Variants in ATRX observed in about 807,000 individuals in gnomAD.
ATRX encodes chromatin remodeler ATRX.
ATRX carries 12 observed loss-of-function variants against 172.6 expected under a neutral mutation model. That is an observed-to-expected ratio of 0.07 (90% confidence interval 0.04 to 0.11). ATRX has a LOEUF of 0.11. Ranked by LOEUF, ATRX falls within the 10% of genes least tolerant of loss-of-function variation. The pLI is 1.00. For synonymous variants in ATRX, 674 were observed against 594.7 expected (o/e 1.13, Z -1.94); for missense variants, 1,368 against 1,767.4 (o/e 0.77, Z 4.05).
At chrX:77,640,803 A>G (rs184191260) in intron 15 of ATRX, among the ~76,000 whole-genome samples, 19 of 111,593 alleles carry the variant, frequency 1.7e-4, no homozygotes, top group African/African-American at 5.9e-4. Flanking sequence ...AACTACAAAG[A>G]AAAAAGAGCT....
intron 21 of ATRX, among the ~76,000 whole-genome samples, chrX:77,617,385 C>A (rs2067397022): frequency 9.0e-6 from 1 of 111,026 alleles, no homozygotes; most frequent in South Asian, 3.8e-4. Context: ...ATGTAGCCAA[C>A]CTGACCAAAC....
intron 1 of ATRX, among the ~76,000 whole-genome samples, chrX:77,774,521 C>G (rs1311800915): frequency 9.0e-6 from 1 of 110,518 alleles, no homozygotes; most frequent in African/African-American, 3.3e-5. Flanking sequence ...ACTAAAAATA[C>G]AAAAAATTAG....
chrX:77,734,714 GA>G (rs1557177943), intron 1 of ATRX, among the ~76,000 whole-genome samples: 1 of 110,902 alleles, frequency 9.0e-6, no homozygotes, highest in African/African-American at 3.3e-5. Context: ...TTGAACGCAG[GA>G]GGCAGAGGCT....
At position 77,684,146 on chromosome X, in the gene ATRX, A is replaced by G. The variant is rs371831155; in HGVS notation, c.1110T>C (p.Tyr370=). 2.5e-6 allele frequency: 3 copies of G among 1,205,791 alleles called. No homozygotes were observed. The highest frequency in any genetic ancestry group is 3.5e-5 in the African/African-American group (2 of 57,128). ...IETTANMNSS[Y]VKFLKQATDN... ...CTGTTGCCTGCTTTAAAAATTTAAC[A>G]TAACTGGAGTTCATGTTGGCTGTGG... The change falls in exon 9 of 35, where the codon TAT becomes TAC. Residue 370 remains tyrosine, a synonymous_variant. Transcript: ENST00000373344.
intron 30 of ATRX, among the ~76,000 whole-genome samples, chrX:77,543,946 T>G (rs2064124022): frequency 1.5e-5 from 1 of 68,860 alleles, no homozygotes; most frequent in African/African-American, 5.2e-5. Flanking sequence ...ACCCCAGAAC[T>G]TAGAATATTA....
Position 77,557,565 on chromosome X carries a change from C to G in ATRX, c.6585G>C (p.Val2195=). 1 of 1,208,355 alleles carries G rather than the reference C, an allele frequency of 8.3e-7. No homozygotes were observed. Among genetic ancestry groups the G allele is most frequent in the Non-Finnish European group, 1.1e-6 (1 of 893,938 alleles). ...GCTCATTCATAGTAAAATGACGCTCCACCTGCTGCTGATCAACAACTCGAA... is the reference window on the plus strand; with the variant it reads ...GCTCATTCATAGTAAAATGACGCTCGACCTGCTGCTGATCAACAACTCGAA... ...LSFRVVDQQQ[V]ERHFTMNELT... The change falls in exon 30 of 35, where the codon GTG becomes GTC. Residue 2195 remains valine (V), a synonymous_variant. Transcript: ENST00000373344.
intron 27 of ATRX, among the ~76,000 whole-genome samples, chrX:77,586,098 CA>C (rs1412749488): frequency 9.0e-6 from 1 of 110,948 alleles, no homozygotes; most frequent in Non-Finnish European, 1.9e-5. Flanking sequence ...TGACTACCGT[CA>C]AAAATAATTA....
chrX:77,659,037 A>G (rs917824408), intron 12 of ATRX, among the ~76,000 whole-genome samples: 1 of 111,877 alleles, frequency 8.9e-6, no homozygotes, highest in African/African-American at 3.3e-5. Flanking sequence ...CATAAATGCT[A>G]TAAAGAAATG....
At chrX:77,720,413 C>A (rs1214622932) in intron 1 of ATRX, among the ~76,000 whole-genome samples, 1 of 110,444 alleles carries the variant, frequency 9.1e-6, no homozygotes, top group African/African-American at 3.3e-5. Context: ...AGAAGATCAA[C>A]AAAACAGACC....
chrX:77,782,612 G>T (rs1471108461), intron 1 of ATRX, among the ~76,000 whole-genome samples: 1 of 111,451 alleles, frequency 9.0e-6, no homozygotes, highest in Non-Finnish European at 1.9e-5. Flanking sequence ...AATTGGCCAG[G>T]TGTGGTGGCA....
intron 1 of ATRX, among the ~76,000 whole-genome samples, chrX:77,724,995 C>T (rs1184081031): frequency 8.9e-6 from 1 of 111,977 alleles, no homozygotes; most frequent in Non-Finnish European, 1.9e-5. Flanking sequence ...AAAGAGCACA[C>T]ATTTACTTAT....
chrX:77,549,643 T>C (rs1301792939), intron 30 of ATRX, among the ~76,000 whole-genome samples: 1 of 112,548 alleles, frequency 8.9e-6, no homozygotes, highest in Non-Finnish European at 1.9e-5. Context: ...TAGATCATGC[T>C]ACAGTTTCAA....
At chrX:77,695,159 A>C (rs1471092846) in intron 5 of ATRX, among the ~76,000 whole-genome samples, 2 of 110,014 alleles carry the variant, frequency 1.8e-5, no homozygotes, top group Admixed American at 9.7e-5. Flanking sequence ...CTTTGGATTC[A>C]AGCAGACCTG....
At position 77,683,872 on chromosome X, in the gene ATRX, C is replaced by G. The variant is rs201503118; in HGVS notation, c.1384G>C (p.Ala462Pro). The G allele has an allele frequency of 2.5e-6, 3 of 1,209,666 alleles. No homozygotes were observed. The highest frequency in any genetic ancestry group is 2.2e-6 in the Non-Finnish European group (2 of 893,810). ...LEKKDISKSE[A>P]KLSRKQVDSE... The stretch of plus-strand genomic sequence containing the variant: ...TCTACCTGTTTTCTTGAAAGTTTAG[C>G]TTCTGACTTTGAAATATCCTTCTTT... The change falls in exon 9 of 35, where the codon GCT (alanine) becomes CCT (proline). Residue 462 changes from alanine (A) to proline (P), a missense_variant. Coordinates refer to ENST00000373344, the MANE Select transcript of ATRX (RefSeq NM_000489.6).
At chrX:77,596,350 T>C (rs2066465757) in intron 25 of ATRX, 1 of 111,340 alleles carries the variant, frequency 9.0e-6, no homozygotes, top group African/African-American at 3.3e-5. Flanking sequence ...AAAGTCATTT[T>C]TTTTAAAGTT....
chrX:77,683,991 G>A lies in ATRX; in HGVS notation c.1265C>T (p.Ala422Val), dbSNP rs2148626890. 1 of 1,208,135 alleles carries A rather than the reference G, an allele frequency of 8.3e-7. No homozygotes were observed. Among genetic ancestry groups the A allele is most frequent in the Non-Finnish European group, 1.1e-6 (1 of 892,501 alleles). The change falls in exon 9 of 35, where the codon GCT becomes GTT. Residue 422 changes from alanine (A) to valine (V), a missense_variant. Transcript: ENST00000373344. The stretch of plus-strand genomic sequence containing the variant: ...TTTGGTATTTTTCTCTTTGTTTACA[G>A]CATCCATCGCTCGAAACTCGGAATT... ...DLNSEFRAMD[A>V]VNKEKNTKEH...
chrX:77,672,992 A>T (rs1488727085), intron 10 of ATRX, among the ~76,000 whole-genome samples: 6 of 111,763 alleles, frequency 5.4e-5, no homozygotes, highest in African/African-American at 1.9e-4. Flanking sequence ...TGGTCTCTTC[A>T]GTGATTGTTC....
At chrX:77,685,070 A>C in intron 7 of ATRX, 64 bp from the exon 8 acceptor site, 3 of 909,832 alleles carry the variant, frequency 3.3e-6, no homozygotes, top group Non-Finnish European at 3.2e-6. Flanking sequence ...AAAGGACAAA[A>C]ACTTTATTTT....
At chrX:77,616,065 T>C (rs2067345983) in intron 22 of ATRX, 1 of 753,549 alleles carries the variant, frequency 1.3e-6, no homozygotes, top group Non-Finnish European at 1.6e-6. Context: ...AAACTATTCA[T>C]TGTATTATTT....
Sources: allele counts gnomAD v4.1 joint callset (sites outside exome capture counted in the v4.1 genomes callset), GRCh38; gene constraint gnomAD v4.1.1; transcripts MANE v1.5; gene names NCBI Gene and HGNC (gene_info 2026-07-23, HGNC 2026-07-21).